ZMAT5: variants seen among roughly 807,000 people sequenced by gnomAD.
The protein encoded by ZMAT5 is zinc finger matrin-type 5.
In ZMAT5, 23 loss-of-function variants were observed where a neutral mutation model predicts 28.0. The observed-to-expected ratio is 0.82, with a 90% CI of 0.59 to 1.16. ZMAT5 has a LOEUF of 1.16. ZMAT5 is among the 50% of genes most tolerant of loss of function. The pLI is 0.00. For synonymous variants in ZMAT5, 76 were observed against 84.1 expected (o/e 0.90, Z 0.52); for missense variants, 173 against 212.7 (o/e 0.81, Z 1.16).
intron 1 of ZMAT5, chr22:29,758,695 T>C (rs545402280): frequency 6.6e-6 from 1 of 152,402 alleles, no homozygotes; most frequent in African/African-American, 2.4e-5. Context: ...AAAGTTTCTA[T>C]ATTTGGCATG....
At chr22:29,761,071 G>A (rs914081990) in intron 1 of ZMAT5, among the ~76,000 whole-genome samples, 6 of 146,474 alleles carry the variant, frequency 4.1e-5, no homozygotes, top group Middle Eastern at 4.1e-3. Context: ...TCAAGAGATC[G>A]AGACCATCCT....
chr22:29,738,536 A>G, intron 4 of ZMAT5, 95 bp from the exon 5 acceptor site: 9 of 1,035,102 alleles, frequency 8.7e-6, no homozygotes, highest in Non-Finnish European at 1.3e-5. Context: ...GTAGGCCCTG[A>G]GCAAGCCTGG....
intron 1 of ZMAT5, among the ~76,000 whole-genome samples, chr22:29,760,012 G>C (rs2068140824): frequency 6.6e-6 from 1 of 152,024 alleles, no homozygotes. Context: ...ACCACCCTGG[G>C]CAACATGGTG....
At chr22:29,743,633 T>C (rs2067984313) in intron 2 of ZMAT5, among the ~76,000 whole-genome samples, 4 of 152,132 alleles carry the variant, frequency 2.6e-5, no homozygotes, top group African/African-American at 9.7e-5. Flanking sequence ...GGTTTCGCCA[T>C]GTTACCCAGG....
intron 2 of ZMAT5, among the ~76,000 whole-genome samples, chr22:29,745,470 G>C (rs1370864008): frequency 6.6e-6 from 1 of 152,198 alleles, no homozygotes; most frequent in African/African-American, 2.4e-5. Context: ...ATCCACCTTT[G>C]AATCTTTAGA....
At chr22:29,739,480 T>C (rs1322363080) in intron 4 of ZMAT5, among the ~76,000 whole-genome samples, 2 of 152,148 alleles carry the variant, frequency 1.3e-5, no homozygotes, top group African/African-American at 4.8e-5. Flanking sequence ...TGCTTCATCC[T>C]TAGAGACATC....
intron 1 of ZMAT5, among the ~76,000 whole-genome samples, chr22:29,748,772 G>A (rs1400702963): frequency 6.6e-6 from 1 of 152,254 alleles, no homozygotes; most frequent in Non-Finnish European, 1.5e-5. Context: ...TGCCCAGCCT[G>A]CAACTTAGGC....
chr22:29,758,512 A>G (rs1292064989), intron 1 of ZMAT5, among the ~76,000 whole-genome samples: 1 of 151,964 alleles, frequency 6.6e-6, no homozygotes, highest in Non-Finnish European at 1.5e-5. Context: ...AGTTCCAGCT[A>G]CTTGGGGGGC....
At chr22:29,732,772 C>T (rs1044828365) in intron 5 of ZMAT5, among the ~76,000 whole-genome samples, 2 of 148,950 alleles carry the variant, frequency 1.3e-5, no homozygotes, top group Admixed American at 1.3e-4. Context: ...AGTACACATG[C>T]ACATCCACAT....
chr22:29,742,608 T>G (rs1290238278), intron 2 of ZMAT5, 128 bp from the exon 3 acceptor site: 3 of 857,558 alleles, frequency 3.5e-6, no homozygotes, highest in Non-Finnish European at 5.5e-6. Flanking sequence ...AGTTTCCTGT[T>G]CCACGGAGGA....
chr22:29,757,895 T>C (rs1220709432), intron 1 of ZMAT5, among the ~76,000 whole-genome samples: 2 of 152,156 alleles, frequency 1.3e-5, no homozygotes, highest in South Asian at 4.1e-4. Flanking sequence ...CGTGCACCTA[T>C]AGTCCCAGCT....
At chr22:29,748,810 G>A (rs907928982) in intron 1 of ZMAT5, among the ~76,000 whole-genome samples, 1 of 152,232 alleles carries the variant, frequency 6.6e-6, no homozygotes, top group African/African-American at 2.4e-5. Flanking sequence ...CAGTGGGTGA[G>A]GCCTGGGCAC....
chr22:29,736,126 G>C (rs537725650), intron 5 of ZMAT5, among the ~76,000 whole-genome samples: 2 of 152,228 alleles, frequency 1.3e-5, no homozygotes, highest in Non-Finnish European at 2.9e-5. Flanking sequence ...TCCAAGTAGC[G>C]GTGCAGGGGC....
intron 5 of ZMAT5, among the ~76,000 whole-genome samples, chr22:29,736,088 G>C (rs1156629446): frequency 6.6e-6 from 1 of 152,250 alleles, no homozygotes; most frequent in African/African-American, 2.4e-5. Context: ...AGGTGGCAGA[G>C]TGAGGATGGG....
At chr22:29,734,496 C>T (rs908570759) in intron 5 of ZMAT5, among the ~76,000 whole-genome samples, 1 of 152,210 alleles carries the variant, frequency 6.6e-6, no homozygotes, top group Non-Finnish European at 1.5e-5. Flanking sequence ...AGCACTAACA[C>T]CTGGGGAACG....
At chr22:29,739,899 C>T (rs1206386834) in intron 4 of ZMAT5, among the ~76,000 whole-genome samples, 3 of 152,224 alleles carry the variant, frequency 2.0e-5, no homozygotes, top group East Asian at 3.9e-4. Context: ...GAGTGAGGCC[C>T]GTAGGGGGAT....
At chr22:29,759,363 T>C (rs1476233422) in intron 1 of ZMAT5, among the ~76,000 whole-genome samples, 1 of 152,150 alleles carries the variant, frequency 6.6e-6, no homozygotes, top group Non-Finnish European at 1.5e-5. Flanking sequence ...TCTGGACTCC[T>C]CACATCTGGA....
At position 29,747,967 on chromosome 22, in the gene ZMAT5, C is replaced by T. The variant is rs568097118; in HGVS notation, c.127+451G>A. On this transcript the variant is annotated intron_variant, in intron 2 of 5. Transcript: ENST00000344318. Reference sequence around the variant, plus strand: ...CTTGGAACAGGGACCCCCCCACCTCCGCCCCCTGCTTATGATGGCCTCCAC... The same window carrying T: ...CTTGGAACAGGGACCCCCCCACCTCTGCCCCCTGCTTATGATGGCCTCCAC... 5.4e-5 allele frequency: 14 copies of T among 259,384 alleles called. No individual in the cohort carries two copies. In the South Asian group the frequency reaches 5.7e-4, roughly 11 times the overall value. The allele number at this position is 259,384 out of a possible 1,614,324, so 16.1% of individuals were successfully genotyped here. A position where few individuals can be genotyped will look rare whatever the true frequency, so the allele number is the denominator to read the frequency against.
intron 2 of ZMAT5, among the ~76,000 whole-genome samples, chr22:29,744,983 G>A (rs1374149646): frequency 6.6e-6 from 1 of 152,184 alleles, no homozygotes. Flanking sequence ...GCTGCCCCTG[G>A]TGCCTCATGT....
Sources: gnomAD v4.1 joint callset for allele counts (sites outside exome capture counted in the v4.1 genomes callset) on GRCh38, gnomAD v4.1.1 for gene constraint, MANE v1.5 for transcripts, NCBI Gene and HGNC (gene_info 2026-07-23, HGNC 2026-07-21) for gene names.